Variants in PEX1 observed in about 807,000 individuals in gnomAD.
The protein encoded by PEX1 is peroxisomal ATPase PEX1.
In PEX1, 97 loss-of-function variants were observed where a neutral mutation model predicts 152.5. The observed-to-expected ratio is 0.64, with a 90% CI of 0.54 to 0.75. The LOEUF (loss-of-function observed/expected upper bound fraction) is 0.75. Among genes scored for constraint, PEX1 ranks in the 30% least tolerant of loss-of-function variants. PEX1 has a pLI of 0.00. For missense variants in PEX1, 1,357 were observed against 1,516.3 expected (o/e 0.89, Z 1.74); for synonymous variants, 485 against 531.6 (o/e 0.91, Z 1.21).
chr7:92,509,869 T>C (rs1792372650), intron 8 of PEX1, among the ~76,000 whole-genome samples: 1 of 152,050 alleles, frequency 6.6e-6, no homozygotes, highest in African/African-American at 2.4e-5. Context: ...CTTGGCTGGG[T>C]GTGGTGGTTT....
intron 3 of PEX1, among the ~76,000 whole-genome samples, chr7:92,518,715 A>C (rs1792918656): frequency 6.6e-6 from 1 of 152,068 alleles, no homozygotes; most frequent in Non-Finnish European, 1.5e-5. Flanking sequence ...GACTAATGGC[A>C]TGCACTACCA....
chr7:92,506,930 C>T (rs926927603), intron 10 of PEX1, 64 bp downstream of exon 10: 2 of 1,568,040 alleles, frequency 1.3e-6, no homozygotes, highest in Non-Finnish European at 8.8e-7. Flanking sequence ...GGTCAAAACC[C>T]AAAGAAAGAT....
At chr7:92,490,392 TGGG>T (rs1791229142) in intron 21 of PEX1, 1 of 178,822 alleles carries the variant, frequency 5.6e-6, no homozygotes, top group Admixed American at 5.7e-5. Flanking sequence ...CCTAGCACTT[TGGG>T]AGGTCAAGGC....
intron 17 of PEX1, among the ~76,000 whole-genome samples, chr7:92,495,666 C>T (rs1367877279): frequency 4.0e-5 from 6 of 151,866 alleles, no homozygotes; most frequent in African/African-American, 7.3e-5. Flanking sequence ...CCTTTTTATC[C>T]CTAAAATTGT....
intron 20 of PEX1, 92 bp from the exon 21 acceptor site, chr7:92,491,594 A>G (rs556380869): frequency 9.0e-6 from 7 of 777,166 alleles, no homozygotes; most frequent in Non-Finnish European, 1.5e-5. Flanking sequence ...TATTAGAGCA[A>G]TACAAGAAAC....
At chr7:92,499,878 T>C in intron 15 of PEX1, 40 bp from the exon 16 acceptor site, 3 of 1,547,368 alleles carry the variant, frequency 1.9e-6, no homozygotes, top group Non-Finnish European at 2.7e-6. Context: ...AGAGCTCAAG[T>C]CTAAACAGAA....
intron 17 of PEX1, 73 bp from the exon 18 acceptor site, chr7:92,494,702 T>C: frequency 1.7e-6 from 2 of 1,183,406 alleles, no homozygotes; most frequent in Non-Finnish European, 2.5e-6. Flanking sequence ...TATACATATA[T>C]GAATGTATTT....
At chr7:92,488,729 A>ATTT (rs199766658) in intron 23 of PEX1, among the ~76,000 whole-genome samples, 3 of 142,534 alleles carry the variant, frequency 2.1e-5, no homozygotes, top group Non-Finnish European at 3.1e-5. Flanking sequence ...AAGTTACTAA[A>ATTT]TTTTTTTTTT....
At chr7:92,526,944 A>T (rs943025210) in intron 1 of PEX1, among the ~76,000 whole-genome samples, 1 of 152,196 alleles carries the variant, frequency 6.6e-6, no homozygotes, top group Non-Finnish European at 1.5e-5. Flanking sequence ...AAATTCTATA[A>T]ATTTATATAA....
At chr7:92,501,097 C>T (rs1791900373) in intron 15 of PEX1, among the ~76,000 whole-genome samples, 1 of 152,002 alleles carries the variant, frequency 6.6e-6, no homozygotes, top group Admixed American at 6.5e-5. Flanking sequence ...TTCTTATCAT[C>T]AAAGACTGCA....
Position 92,494,554 on chromosome 7 carries a change from A to C in PEX1, c.2859T>G (p.Asn953Lys), listed in dbSNP as rs1554368757. The C allele has an allele frequency of 5.6e-6, 9 of 1,613,914 alleles. No homozygotes were observed. In the South Asian group the frequency reaches 8.8e-5, roughly 16 times the overall value. Residue 953 changes from asparagine (N) to lysine (K), a missense_variant, in exon 18 of 24, where the codon AAT becomes AAG. By Grantham distance (94) the Asn-to-Lys change is moderately conservative. Coordinates refer to ENST00000248633, the MANE Select transcript of PEX1 (RefSeq NM_000466.3). ...TAACTACTCGGTCTGTAACTCCTGT[A>C]TTATCATGACCCCGCCGAGGAGCAA... ...ESIAPRRGHDNTGVTDRVVNQ... is the reference protein window; with the variant it reads ...ESIAPRRGHDKTGVTDRVVNQ...
At position 92,504,870 on chromosome 7, in the gene PEX1, C is replaced by G; in HGVS notation, c.1933G>C (p.Glu645Gln). 1 of 1,613,926 alleles carries G rather than the reference C, an allele frequency of 6.2e-7. No individual in the cohort carries two copies. The highest frequency in any genetic ancestry group is 2.2e-5 in the East Asian group (1 of 44,886). Residue 645 changes from glutamate (E) to glutamine (Q), a missense_variant, in exon 12 of 24, where the codon GAG becomes CAG. Physicochemically the swap from Glu to Gln is conservative, Grantham distance 29. Transcript: ENST00000248633. Reference protein sequence around the residue: ...KRLENIQKTLEVAFSEAVWMQ... With the variant: ...KRLENIQKTLQVAFSEAVWMQ... Reference sequence around the variant, plus strand: ...CACACTGCCTCTGAGAAAGCCACCTCTAGGGTTTTTTGTATGTTTTCAAGC... The same window carrying G: ...CACACTGCCTCTGAGAAAGCCACCTGTAGGGTTTTTTGTATGTTTTCAAGC...
At chr7:92,503,896 T>C (rs1792052917) in intron 12 of PEX1, among the ~76,000 whole-genome samples, 1 of 152,156 alleles carries the variant, frequency 6.6e-6, no homozygotes, top group South Asian at 2.1e-4. Context: ...AGCAAGTCAA[T>C]GCTGCCAAAC....
chr7:92,494,419 T>C, intron 18 of PEX1, 23 bp from the exon 19 acceptor site: 1 of 1,613,254 alleles, frequency 6.2e-7, no homozygotes, highest in South Asian at 1.1e-5. Flanking sequence ...AGAACATTTT[T>C]TTACCAAAAT....
intron 22 of PEX1, 39 bp from the exon 23 acceptor site, chr7:92,489,462 G>A (rs376375286): frequency 1.3e-6 from 2 of 1,586,380 alleles, no homozygotes; most frequent in Non-Finnish European, 1.7e-6. Flanking sequence ...GTTAAATTAA[G>A]GATGTAAAAA....
intron 8 of PEX1, among the ~76,000 whole-genome samples, chr7:92,509,810 G>T (rs983358268): frequency 4.6e-5 from 7 of 152,066 alleles, no homozygotes; most frequent in Non-Finnish European, 1.0e-4. Flanking sequence ...TCAATTTTAT[G>T]ACAAGAATGA....
rs778167789 is a variant in PEX1, at chr7:92,511,612, T to C, written c.1451A>G (p.Glu484Gly). 1 of 1,612,354 alleles carries C rather than the reference T, an allele frequency of 6.2e-7. No homozygotes were observed. The highest frequency in any genetic ancestry group is 1.7e-5 in the Admixed American group (1 of 60,018). ...AGTTTCCAGCTTAATAAATTCTTCCTCTGATATTACCAAAGGAAGCATGGT... is the reference window on the plus strand; with the variant it reads ...AGTTTCCAGCTTAATAAATTCTTCCCCTGATATTACCAAAGGAAGCATGGT... The part of the protein sequence containing the change: ...TTTMLPLVIS[E>G]EEFIKLETKD... Residue 484 changes from glutamate to glycine, a missense_variant, in exon 7 of 24, where the codon GAG becomes GGG. Transcript: ENST00000248633.
chr7:92,511,763 T>G lies in PEX1; in HGVS notation c.1360-60A>C, dbSNP rs781528703. ...ATATCTGAACTTAACTTTAACACCCTTATTTTAACATCTGATCTTCCTAAT... is the reference window on the plus strand; with the variant it reads ...ATATCTGAACTTAACTTTAACACCCGTATTTTAACATCTGATCTTCCTAAT... On this transcript the variant is annotated intron_variant, in intron 6 of 23. Coordinates refer to ENST00000248633, the MANE Select transcript of PEX1 (RefSeq NM_000466.3). 2.0e-5 allele frequency: 29 copies of G among 1,461,550 alleles called. No individual in the cohort carries two copies. In the Admixed American group the frequency reaches 4.1e-4, roughly 21 times the overall value. 90.5% of individuals were successfully genotyped at this position (1,461,550 alleles called of 1,614,324 possible).
At chr7:92,499,977 C>G (rs1791848794) in intron 15 of PEX1, 139 bp from the exon 16 acceptor site, 1 of 676,906 alleles carries the variant, frequency 1.5e-6, no homozygotes, top group Admixed American at 2.8e-5. Context: ...GCAAGTACAA[C>G]AGTAGAAAAT....
Sources: allele counts gnomAD v4.1 joint callset (sites outside exome capture counted in the v4.1 genomes callset), GRCh38; gene constraint gnomAD v4.1.1; transcripts MANE v1.5; gene names NCBI Gene and HGNC (gene_info 2026-07-23, HGNC 2026-07-21).